The following DHRS2 variants were observed in gnomAD, a reference collection of about 807,000 sequenced individuals.
The protein encoded by DHRS2 is dehydrogenase/reductase 2.
A neutral mutation model predicts 26.3 loss-of-function variants in DHRS2; 29 were observed. The observed-to-expected ratio is 1.10, with a 90% CI of 0.82 to 1.50. The LOEUF (loss-of-function observed/expected upper bound fraction) is 1.50. DHRS2 is among the 40% of genes most tolerant of loss of function. The pLI is 0.00. For synonymous variants in DHRS2, 164 were observed against 151.3 expected, an observed-to-expected ratio of 1.08 and a Z score of -0.62; for missense variants, 439 against 367.1, an observed-to-expected ratio of 1.20 and a Z score of -1.60.
At chr14:23,637,043 C>G (rs189536520) in intron 1 of DHRS2, among the ~76,000 whole-genome samples, 10 of 152,126 alleles carry the variant, frequency 6.6e-5, no homozygotes, top group African/African-American at 2.2e-4. Flanking sequence ...CATTCAGCTC[C>G]GGAGTCCCCA....
chr14:23,640,474 C>T (rs571615730), intron 4 of DHRS2: 257 of 981,684 alleles, frequency 2.6e-4, no homozygotes, highest in Non-Finnish European at 3.0e-4. Context: ...CACAAGGGAC[C>T]GGGAGAGACC....
chr14:23,643,944 C>A, intron 5 of DHRS2, 167 bp from the exon 6 acceptor site: 1 of 683,400 alleles, frequency 1.5e-6, no homozygotes, highest in Admixed American at 2.3e-5. Context: ...CGTGTATTGG[C>A]TGGTACTAAA....
At chr14:23,636,140 T>A (rs1379604805), upstream of DHRS2, among the ~76,000 whole-genome samples, 3 of 152,206 alleles carry the variant, frequency 2.0e-5, no homozygotes, top group Non-Finnish European at 4.4e-5. Flanking sequence ...CTTTTGTGTC[T>A]AGCTAAAGGA....
intron 8 of DHRS2, 21 bp downstream of exon 8, chr14:23,644,903 T>C (rs748793937): frequency 6.2e-7 from 1 of 1,613,664 alleles, no homozygotes; most frequent in Non-Finnish European, 8.5e-7. Flanking sequence ...TTTGGAGATT[T>C]GGTGGTCCAT....
chr14:23,641,649 C>T, intron 4 of DHRS2: 1 of 1,289,820 alleles, frequency 7.8e-7, no homozygotes, highest in Non-Finnish European at 1.0e-6. Context: ...ACCTAATCCT[C>T]AATTCCTTCT....
At chr14:23,636,203 C>G (rs1211396323), upstream of DHRS2, 1 of 150,978 alleles carries the variant, frequency 6.6e-6, no homozygotes, top group African/African-American at 2.4e-5. Context: ...TGTAAATGCA[C>G]CAATCAGCAC....
At chr14:23,631,743 C>T (rs1178007990), upstream of DHRS2, among the ~76,000 whole-genome samples, 3 of 152,116 alleles carry the variant, frequency 2.0e-5, no homozygotes, top group African/African-American at 7.2e-5. Flanking sequence ...ATTCTAAGCT[C>T]CCAGGACCTG....
At chr14:23,634,404 C>G (rs1890209188), upstream of DHRS2, among the ~76,000 whole-genome samples, 1 of 152,082 alleles carries the variant, frequency 6.6e-6, no homozygotes, top group African/African-American at 2.4e-5. Context: ...CTCCCCACAG[C>G]TCTACTGCGG....
At chr14:23,645,093 G>T in intron 8 of DHRS2, 49 bp from the exon 9 acceptor site, 2 of 1,610,648 alleles carry the variant, frequency 1.2e-6, no homozygotes, top group Non-Finnish European at 1.7e-6. Context: ...CCCCAGAGCA[G>T]CAGAATCAGA....
intron 1 of DHRS2, among the ~76,000 whole-genome samples, chr14:23,637,673 C>T (rs1890392225): frequency 6.6e-6 from 1 of 152,156 alleles, no homozygotes; most frequent in African/African-American, 2.4e-5. Context: ...TTTTCTCGGT[C>T]CTCCTCATGG....
At chr14:23,641,851 C>A in intron 4 of DHRS2, 1 of 1,239,458 alleles carries the variant, frequency 8.1e-7, no homozygotes, top group Non-Finnish European at 1.0e-6. Context: ...AGTGAACAGT[C>A]CTGGTGAGTT....
intron 4 of DHRS2, chr14:23,640,567 G>A (rs995993182): frequency 2.0e-5 from 8 of 404,512 alleles, no homozygotes; most frequent in Non-Finnish European, 2.3e-5. Flanking sequence ...TTTGTTTTCT[G>A]TTCTCTCTGC....
upstream of DHRS2, among the ~76,000 whole-genome samples, chr14:23,633,066 G>A (rs892049128): frequency 1.3e-5 from 2 of 152,222 alleles, no homozygotes; most frequent in African/African-American, 4.8e-5. Context: ...TAACATGAAT[G>A]TGGAGCTGGG....
chr14:23,639,074 T>C lies in DHRS2; in HGVS notation c.140+70T>C, dbSNP rs897682767. ...TTGTGGCTTCCACAAGGACTCAGGG[T>C]TTTAAAGCAAGACCCAGCCTTATTT... On this transcript the variant is annotated intron_variant, in intron 2 of 8. Transcript: ENST00000250383. 1.4e-5 allele frequency: 23 copies of C among 1,593,946 alleles called. No homozygotes were observed. The East Asian group carries it at 5.2e-4, about 36-fold the overall frequency.
upstream of DHRS2, among the ~76,000 whole-genome samples, chr14:23,635,473 C>A (rs747315037): frequency 8.5e-5 from 13 of 152,298 alleles, no homozygotes; most frequent in African/African-American, 2.6e-4. Flanking sequence ...CACATGACCT[C>A]CTGTCTGCAG....
chr14:23,635,781 G>T (rs983691743), upstream of DHRS2, among the ~76,000 whole-genome samples: 1 of 152,264 alleles, frequency 6.6e-6, no homozygotes, highest in Admixed American at 6.5e-5. Flanking sequence ...AGCTCCCTCT[G>T]CTCGCCAGGA....
At chr14:23,641,544 C>G (rs1371861611) in intron 4 of DHRS2, 31 of 1,223,764 alleles carry the variant, frequency 2.5e-5, no homozygotes, top group Non-Finnish European at 3.1e-5. Context: ...GGGGTCTTAC[C>G]TCAGCCCCTC....
intron 1 of DHRS2, 180 bp from the exon 2 acceptor site, chr14:23,638,647 A>C: frequency 1.8e-6 from 1 of 563,498 alleles, no homozygotes; most frequent in Admixed American, 3.3e-5. Flanking sequence ...TTTATAGCTT[A>C]GGAGTTTTCA....
upstream of DHRS2, among the ~76,000 whole-genome samples, chr14:23,634,021 C>T (rs1042756480): frequency 4.7e-5 from 7 of 148,218 alleles, no homozygotes; most frequent in Admixed American, 2.7e-4. Flanking sequence ...TCAAATACAA[C>T]ATTGCCAGCA....
Sources: allele counts gnomAD v4.1 joint callset (sites outside exome capture counted in the v4.1 genomes callset), GRCh38; gene constraint gnomAD v4.1.1; transcripts MANE v1.5; gene names NCBI Gene and HGNC (gene_info 2026-07-23, HGNC 2026-07-21).